KIF13B: variants seen among roughly 807,000 people sequenced by gnomAD.
The protein encoded by KIF13B is kinesin family member 13B.
In KIF13B, 127 loss-of-function variants were observed where a neutral mutation model predicts 222.0. That is an observed-to-expected ratio of 0.57 (90% CI 0.50 to 0.66). The LOEUF (loss-of-function observed/expected upper bound fraction) is 0.66, where lower values mean the gene tolerates loss of function less well. Ranked by LOEUF, KIF13B falls within the 30% of genes least tolerant of loss-of-function variation. The pLI, the probability that KIF13B is intolerant of heterozygous loss-of-function variation, is 0.00. For missense variants in KIF13B, 2,173 were observed against 2,379.0 expected (o/e 0.91, Z 1.80); for synonymous variants, 976 against 919.0 (o/e 1.06, Z -1.12).
intron 13 of KIF13B, among the ~76,000 whole-genome samples, chr8:29,157,363 CG>C (rs1293103082): frequency 7.3e-6 from 1 of 136,270 alleles, no homozygotes; most frequent in Non-Finnish European, 1.5e-5. Context: ...AAGACCAGCC[CG>C]GGCAACACAG....
At chr8:29,170,399 G>T (rs1481554189) in intron 10 of KIF13B, among the ~76,000 whole-genome samples, 1 of 152,196 alleles carries the variant, frequency 6.6e-6, no homozygotes, top group Non-Finnish European at 1.5e-5. Context: ...GACTCTTCCT[G>T]GAGTTCACCA....
At chr8:29,115,993 C>A (rs1195012311) in intron 31 of KIF13B, among the ~76,000 whole-genome samples, 1 of 152,232 alleles carries the variant, frequency 6.6e-6, no homozygotes, top group Non-Finnish European at 1.5e-5. Context: ...ACCTGCACCA[C>A]GTGCTCAGCT....
chr8:29,165,406 A>G (rs1811949034), intron 12 of KIF13B, among the ~76,000 whole-genome samples: 1 of 152,158 alleles, frequency 6.6e-6, no homozygotes, highest in Non-Finnish European at 1.5e-5. Context: ...CAAAGGAGTT[A>G]TTTCATTAAA....
chr8:29,100,278 T>A (rs1208331087), intron 35 of KIF13B, among the ~76,000 whole-genome samples: 1 of 152,244 alleles, frequency 6.6e-6, no homozygotes, highest in African/African-American at 2.4e-5. Context: ...CAGCCCTATC[T>A]AGGGAAGAAA....
intron 21 of KIF13B, among the ~76,000 whole-genome samples, chr8:29,136,839 G>A (rs186105600): frequency 1.5e-4 from 18 of 117,586 alleles, no homozygotes; most frequent in Non-Finnish European, 2.5e-4. Flanking sequence ...TCGCTCTGTT[G>A]CCCAGGCTGG....
At chr8:29,125,033 G>C (rs779158274) in intron 26 of KIF13B, among the ~76,000 whole-genome samples, 4 of 152,216 alleles carry the variant, frequency 2.6e-5, no homozygotes, top group Non-Finnish European at 4.4e-5. Context: ...CTGGGTGGTA[G>C]AGCAAGACTC....
chr8:29,134,013 C>T lies in KIF13B; in HGVS notation c.2784+27G>A, dbSNP rs749225479. On this transcript the variant is annotated intron_variant, in intron 22 of 39. Coordinates refer to ENST00000524189, the MANE Select transcript of KIF13B (RefSeq NM_015254.4). ...TGTTTTCACATGAGTAATCTAAATG[C>T]TGACCTACTCTGGAAAACAAACTCA... 18 of 1,598,680 alleles carry T rather than the reference C, an allele frequency of 1.1e-5. No individual in the cohort carries two copies. The East Asian group carries it at 4.0e-4, about 36-fold the overall frequency.
intron 37 of KIF13B, among the ~76,000 whole-genome samples, chr8:29,081,009 C>T (rs1027949859): frequency 3.9e-5 from 6 of 152,328 alleles, no homozygotes; most frequent in African/African-American, 1.4e-4. Context: ...CCATGTCGCT[C>T]GCCACCTTGC....
At chr8:29,078,298 C>CAA (rs35107118) in intron 37 of KIF13B, among the ~76,000 whole-genome samples, 90 of 102,844 alleles carry the variant, frequency 8.8e-4, no homozygotes, top group Middle Eastern at 5.3e-3. Flanking sequence ...AACTCCATCT[C>CAA]AAAAAAAAAA....
chr8:29,154,783 A>G (rs1752977471), intron 14 of KIF13B, among the ~76,000 whole-genome samples: 1 of 152,146 alleles, frequency 6.6e-6, no homozygotes, highest in Admixed American at 6.5e-5. Flanking sequence ...TTATGGCCTC[A>G]TTAGAGAACA....
intron 6 of KIF13B, among the ~76,000 whole-genome samples, chr8:29,183,098 ATG>A (rs1812779493): frequency 6.6e-6 from 1 of 151,302 alleles, no homozygotes; most frequent in South Asian, 2.1e-4. Context: ...TAAATCACGA[ATG>A]TGTGTCCACT....
At chr8:29,257,384 T>A (rs694220) in intron 1 of KIF13B, among the ~76,000 whole-genome samples, 5,216 of 151,864 alleles carry the variant, frequency 0.034, 133 homozygotes, top group Non-Finnish European at 0.051. Context: ...AAGGGGAACT[T>A]GAGGAGCAAG....
At position 29,068,818 on chromosome 8, in the gene KIF13B, G is replaced by A. The variant is rs185968906; in HGVS notation, c.*1686C>T. ...GCTGGGAAGCGGGTTGAGTTAAAGG[G>A]CAAGGCAGAGGTGACAGCTCTTCAT... is the stretch of plus-strand genomic sequence containing the variant. On this transcript the variant is annotated 3_prime_UTR_variant, in exon 40 of 40. Transcript: ENST00000524189. The surrounding 1 kb of genome is among the most constrained non-coding windows in gnomAD (Gnocchi z 4.4). 740 of 152,506 alleles carry A rather than the reference G, an allele frequency of 4.9e-3. 3 individuals carry two copies. The highest frequency in any genetic ancestry group is 8.3e-3 in the Non-Finnish European group (569 of 68,148). 9.4% of individuals were successfully genotyped at this position (152,506 alleles called of 1,614,324 possible).
intron 14 of KIF13B, among the ~76,000 whole-genome samples, chr8:29,154,074 G>C (rs560932905): frequency 6.6e-6 from 1 of 152,344 alleles, no homozygotes; most frequent in East Asian, 1.9e-4. Flanking sequence ...ACTTTGTGAG[G>C]TCAAGGAGGG....
intron 18 of KIF13B, among the ~76,000 whole-genome samples, chr8:29,143,404 C>T (rs1365252483): frequency 6.6e-6 from 1 of 152,088 alleles, no homozygotes; most frequent in African/African-American, 2.4e-5. Flanking sequence ...CTGAAAAGTC[C>T]CCGATTCACC....
At position 29,110,053 on chromosome 8, in the gene KIF13B, T is replaced by C. The variant is rs2133611113; in HGVS notation, c.3948A>G (p.Glu1316=). 6.4e-7 allele frequency: 1 copy of C among 1,563,136 alleles called. No individual in the cohort carries two copies. The highest frequency in any genetic ancestry group is 8.7e-7 in the Non-Finnish European group (1 of 1,153,234). The part of the protein sequence containing the change: ...SNIPEDAQGV[E]EREALARMAA... The stretch of plus-strand genomic sequence containing the variant: ...CCATTCTTGCTAATGCTTCCCGTTC[T>C]TCCACTCCCTGGGCATCCTGAGCAG... Residue 1316 remains glutamate (E), a synonymous_variant, in exon 33 of 40, where the codon GAA becomes GAG. Coordinates refer to ENST00000524189, the MANE Select transcript of KIF13B (RefSeq NM_015254.4).
At chr8:29,239,168 C>G (rs1815649756) in intron 2 of KIF13B, among the ~76,000 whole-genome samples, 1 of 152,060 alleles carries the variant, frequency 6.6e-6, no homozygotes, top group South Asian at 2.1e-4. Context: ...TAATAGAAGA[C>G]AGAGGGCTAA....
At chr8:29,220,549 A>AT (rs920865037) in intron 2 of KIF13B, among the ~76,000 whole-genome samples, 5 of 139,142 alleles carry the variant, frequency 3.6e-5, no homozygotes, top group Non-Finnish European at 7.7e-5. Flanking sequence ...AAATTTCTTT[A>AT]TTTAAAAAAA....
chr8:29,175,633 C>T (rs1812443288), intron 10 of KIF13B, among the ~76,000 whole-genome samples: 1 of 152,174 alleles, frequency 6.6e-6, no homozygotes, highest in Non-Finnish European at 1.5e-5. Context: ...TAAACAGAAA[C>T]CAAGGTCTGA....
Sources: gnomAD v4.1 joint callset for allele counts (sites outside exome capture counted in the v4.1 genomes callset) on GRCh38, gnomAD v4.1.1 for gene constraint, Gnocchi (gnomAD v3.1) non-coding constraint, MANE v1.5 for transcripts, NCBI Gene and HGNC (gene_info 2026-07-23, HGNC 2026-07-21) for gene names.